Variants in AGL observed in about 807,000 individuals in gnomAD.
AGL encodes glycogen debranching enzyme.
In AGL, 128 loss-of-function variants were observed where a neutral mutation model predicts 199.3. The observed-to-expected ratio is 0.64, with a 90% CI of 0.56 to 0.74. The LOEUF is 0.74. AGL is among the 30% of genes least tolerant of loss of function. The probability of loss-of-function intolerance (pLI) is 0.00; values close to 1 mark genes in which losing one functional copy is unlikely to be tolerated. For missense variants in AGL, 1,809 were observed against 1,820.8 expected (o/e 0.99, Z 0.12); for synonymous variants, 584 against 594.7 (o/e 0.98, Z 0.26).
intron 20 of AGL, among the ~76,000 whole-genome samples, chr1:99,886,103 A>AT (rs1173980470): frequency 1.3e-5 from 2 of 152,198 alleles, no homozygotes; most frequent in Non-Finnish European, 1.5e-5. Context: ...ATATTATTAT[A>AT]ACGTAGTGTT....
chr1:99,876,441 T>C lies in AGL; in HGVS notation c.1284-17T>C. ...AGTTTCTTTGTATGGATTTAATATT[T>C]AATTATATTTTCATAGGTATTTTAC... On this transcript the variant is annotated splice_polypyrimidine_tract_variant and intron_variant, in intron 10 of 33. Transcript: ENST00000361915. 1.3e-6 allele frequency: 2 copies of C among 1,523,838 alleles called. No homozygotes were observed. Among genetic ancestry groups the C allele is most frequent in the Non-Finnish European group, 1.8e-6 (2 of 1,114,394 alleles). The allele number at this position is 1,523,838 out of a possible 1,614,324, so 94.4% of individuals were successfully genotyped here.
At chr1:99,908,045 G>A (rs1577541) in intron 27 of AGL, among the ~76,000 whole-genome samples, 59,342 of 151,874 alleles carry the variant, frequency 0.39, 12,361 homozygotes, top group East Asian at 0.55. Flanking sequence ...ATCTACTTTT[G>A]TTACCTGTGC....
chr1:99,904,754 G>A (rs1654124914), intron 27 of AGL, among the ~76,000 whole-genome samples: 1 of 152,114 alleles, frequency 6.6e-6, no homozygotes, highest in African/African-American at 2.4e-5. Flanking sequence ...TGTGCATAAT[G>A]CCCTTAAGAT....
chr1:99,852,835 C>T, intron 2 of AGL: 1 of 722,620 alleles, frequency 1.4e-6, no homozygotes. Context: ...TCCATGTATT[C>T]CCACCCTGGA....
intron 27 of AGL, among the ~76,000 whole-genome samples, chr1:99,905,375 G>T (rs764491312): frequency 6.6e-5 from 7 of 105,378 alleles, no homozygotes; most frequent in East Asian, 2.2e-4. Flanking sequence ...TTTTGTATTT[G>T]TTGTTGTTGT....
intron 25 of AGL, among the ~76,000 whole-genome samples, chr1:99,899,436 T>C (rs1570478855): frequency 6.6e-6 from 1 of 152,108 alleles, no homozygotes; most frequent in East Asian, 1.9e-4. Flanking sequence ...CTTTAAAAAA[T>C]TAACTGTCTT....
Position 99,881,526 on chromosome 1 carries a change from C to CT in AGL, c.2158-12dup, listed in dbSNP as rs1464025734. The CT allele has an allele frequency of 6.2e-7, 1 of 1,613,926 alleles. No homozygotes were observed. The highest frequency in any genetic ancestry group is 8.5e-7 in the Non-Finnish European group (1 of 1,179,926). ...CAGTTTGAGAGCTAATCTAGTTGTTCTTTCTGCTTCTCAGGTGTATGTGGA... is the reference window on the plus strand; with the variant it reads ...CAGTTTGAGAGCTAATCTAGTTGTTCTTTTCTGCTTCTCAGGTGTATGTGGA... On this transcript the variant is annotated splice_polypyrimidine_tract_variant and intron_variant, in intron 16 of 33. Transcript: ENST00000361915.
chr1:99,896,882 C>G (rs1205087274), intron 25 of AGL, among the ~76,000 whole-genome samples: 2 of 152,198 alleles, frequency 1.3e-5, no homozygotes, highest in Non-Finnish European at 2.9e-5. Flanking sequence ...ACAGTCTCGG[C>G]TCACTGCAAC....
intron 2 of AGL, among the ~76,000 whole-genome samples, chr1:99,860,372 GTTA>G (rs1170659352): frequency 3.9e-5 from 6 of 151,970 alleles, no homozygotes; most frequent in Non-Finnish European, 8.8e-5. Flanking sequence ...TGCCTCATCA[GTTA>G]TTATTGCCCA....
At chr1:99,857,951 G>A (rs566256141) in intron 2 of AGL, among the ~76,000 whole-genome samples, 2 of 152,166 alleles carry the variant, frequency 1.3e-5, no homozygotes, top group African/African-American at 4.8e-5. Flanking sequence ...TATGAATTAT[G>A]CTCTCAGTTT....
At chr1:99,861,121 A>G (rs920816039) in intron 2 of AGL, 1 of 1,013,618 alleles carries the variant, frequency 9.9e-7, no homozygotes, top group Non-Finnish European at 1.2e-6. Flanking sequence ...TGTTGCAGTT[A>G]GAAAAATACT....
intron 2 of AGL, among the ~76,000 whole-genome samples, chr1:99,854,299 CA>C (rs1354461076): frequency 1.3e-5 from 2 of 152,224 alleles, no homozygotes; most frequent in East Asian, 3.9e-4. Context: ...TTAAAACTAG[CA>C]AAAATTGTAA....
At chr1:99,876,667 T>C in intron 11 of AGL, 70 bp downstream of exon 11, 2 of 1,543,418 alleles carry the variant, frequency 1.3e-6, no homozygotes, top group Non-Finnish European at 1.8e-6. Flanking sequence ...TAAAATCTGC[T>C]TTACTGATTT....
intron 26 of AGL, 76 bp downstream of exon 26, chr1:99,900,937 A>G (rs963240079): frequency 7.9e-7 from 1 of 1,267,036 alleles, no homozygotes; most frequent in Non-Finnish European, 1.1e-6. Flanking sequence ...CTAATGTAAA[A>G]ATAAGGGTAA....
intron 30 of AGL, 37 bp from the exon 31 acceptor site, chr1:99,915,352 C>T (rs748982973): frequency 6.6e-7 from 1 of 1,518,922 alleles, no homozygotes; most frequent in Non-Finnish European, 9.1e-7. Flanking sequence ...CTTCTGTGAT[C>T]TTAAAAATTT....
intron 2 of AGL, chr1:99,852,695 T>C (rs751263993): frequency 1.3e-6 from 1 of 780,636 alleles, no homozygotes; most frequent in South Asian, 1.3e-5. Flanking sequence ...AGCATTAATT[T>C]ATTTATTGGT....
intron 21 of AGL, among the ~76,000 whole-genome samples, chr1:99,888,408 C>T (rs1652626172): frequency 6.6e-6 from 1 of 152,082 alleles, no homozygotes; most frequent in African/African-American, 2.4e-5. Flanking sequence ...TAAATTTTAC[C>T]TAGAAATACT....
At chr1:99,849,922 A>C (rs892420759), upstream of AGL, among the ~76,000 whole-genome samples, 27 of 152,296 alleles carry the variant, frequency 1.8e-4, no homozygotes, top group African/African-American at 6.5e-4. Context: ...CTGTTAAAGG[A>C]AGGCCGCGCC....
intron 7 of AGL, 136 bp downstream of exon 7, chr1:99,871,005 T>C (rs1470548721): frequency 9.3e-6 from 6 of 643,498 alleles, no homozygotes; most frequent in Non-Finnish European, 1.6e-5. Context: ...ATTATAAAAC[T>C]GTGATTCTGT....
Sources: allele counts gnomAD v4.1 joint callset (sites outside exome capture counted in the v4.1 genomes callset), GRCh38; gene constraint gnomAD v4.1.1; transcripts MANE v1.5; gene names NCBI Gene and HGNC (gene_info 2026-07-23, HGNC 2026-07-21).